The following ZP2 variants were observed in gnomAD, a reference collection of about 807,000 sequenced individuals.
ZP2 encodes the protein zona pellucida glycoprotein 2, also known as zona pellucida sperm-binding protein 2.
Under a neutral mutation model 84.0 loss-of-function variants are expected in ZP2, and 51 were observed. That is an observed-to-expected ratio of 0.61 (90% CI 0.49 to 0.77). The LOEUF is 0.77. Ranked by LOEUF, ZP2 falls within the 30% of genes least tolerant of loss-of-function variation. ZP2 has a pLI of 0.00. For missense variants in ZP2, 909 were observed against 911.9 expected (o/e 1.00, Z 0.04); for synonymous variants, 375 against 330.9 (o/e 1.13, Z -1.45).
At position 21,202,207 on chromosome 16, in the gene ZP2, G is replaced by C. The variant is rs755733475; in HGVS notation, c.1184C>G (p.Thr395Ser). 22 of 1,589,116 alleles carry C rather than the reference G, an allele frequency of 1.4e-5. No individual in the cohort carries two copies. The South Asian group carries it at 2.4e-4, about 18-fold the overall frequency. ...GCAGGATGAGTTTCCCACCCTCAGAGTACCCAGGTCAAGAGCTGGTTGTGT... is the reference window on the plus strand; with the variant it reads ...GCAGGATGAGTTTCCCACCCTCAGACTACCCAGGTCAAGAGCTGGTTGTGT... ...YQTQPALDLG[T>S]LRVGNSSCQP... The change falls in exon 11 of 19, where the codon ACT (threonine) becomes AGT (serine). Residue 395 changes from threonine (T) to serine (S), a missense_variant. Transcript: ENST00000574091.
At position 21,205,714 on chromosome 16, in the gene ZP2, T is replaced by A. The variant is rs778972769; in HGVS notation, c.528+17A>T. 4 of 1,614,024 alleles carry A rather than the reference T, an allele frequency of 2.5e-6. No homozygotes were observed. The highest frequency in any genetic ancestry group is 1.7e-4 in the Middle Eastern group (1 of 6,060). On this transcript the variant is annotated intron_variant, in intron 6 of 18. Coordinates refer to ENST00000574091, the MANE Select transcript of ZP2 (RefSeq NM_001376232.1). ...TTAAAGGTTATTAAGGTCTGATTTT[T>A]AAAATTTGCTTCATACCTTACTGTC...
At chr16:21,213,340 C>T (rs1597593691), upstream of ZP2, among the ~76,000 whole-genome samples, 5 of 152,310 alleles carry the variant, frequency 3.3e-5, no homozygotes, top group South Asian at 8.3e-4. Flanking sequence ...CCACTGTGCC[C>T]GGCCCTTTGC....
chr16:21,199,836 T>G lies in ZP2; in HGVS notation c.1737A>C (p.Pro579=). The G allele has an allele frequency of 6.2e-7, 1 of 1,613,244 alleles. No individual in the cohort carries two copies. The highest frequency in any genetic ancestry group is 8.5e-7 in the Non-Finnish European group (1 of 1,180,020). ...CAGGATGGGTCACAGAGGAGCCGAC[T>G]GGATGGAAGGTGGTCTGGTAGTTGT... The part of the protein sequence containing the change: ...DLDNYQTTFH[P]VGSSVTHPDH... The change falls in exon 15 of 19, where the codon CCA becomes CCC. Residue 579 remains proline (P), a synonymous_variant. Transcript: ENST00000574091.
intron 2 of ZP2, among the ~76,000 whole-genome samples, chr16:21,210,541 TAAAC>T (rs1460486646): frequency 6.6e-6 from 1 of 152,132 alleles, no homozygotes. Context: ...AAATTGATGT[TAAAC>T]AAAGTCCTGG....
intron 2 of ZP2, among the ~76,000 whole-genome samples, chr16:21,210,499 A>G (rs1022691277): frequency 1.1e-4 from 17 of 152,172 alleles, no homozygotes; most frequent in Non-Finnish European, 2.9e-5. Flanking sequence ...CAGGCCCGAA[A>G]AACTGACAAA....
intron 9 of ZP2, 99 bp from the exon 10 acceptor site, chr16:21,203,350 A>C: frequency 1.3e-6 from 2 of 1,512,872 alleles, no homozygotes; most frequent in African/African-American, 1.4e-5. Flanking sequence ...TGCAGGACAC[A>C]CTCCAGACTT....
chr16:21,212,172 G>A (rs557017746), upstream of ZP2, among the ~76,000 whole-genome samples: 9 of 152,080 alleles, frequency 5.9e-5, no homozygotes, highest in East Asian at 1.6e-3. Flanking sequence ...GGTGATCCAC[G>A]TGCCTCGGCC....
intron 5 of ZP2, among the ~76,000 whole-genome samples, chr16:21,206,488 A>T (rs769937797): frequency 6.6e-6 from 1 of 152,110 alleles, no homozygotes; most frequent in Non-Finnish European, 1.5e-5. Flanking sequence ...TTGTTCACTT[A>T]TTGTATCTTA....
chr16:21,197,600 G>A lies in ZP2; in HGVS notation c.2118C>T (p.His706=), dbSNP rs973464968. The A allele has an allele frequency of 6.8e-6, 11 of 1,614,176 alleles. No individual in the cohort carries two copies. Among genetic ancestry groups the A allele is most frequent in the Non-Finnish European group, 8.5e-6 (10 of 1,180,032 alleles). Residue 706 remains histidine, a synonymous_variant, in exon 19 of 19, where the codon CAC becomes CAT. Coordinates refer to ENST00000574091, the MANE Select transcript of ZP2 (RefSeq NM_001376232.1). Reference sequence around the variant, plus strand: ...TGGAACCAACATCTCCAGCAGTCTTGTGCCCTTTGGTGTCCATAGCACCTA... The same window carrying A: ...TGGAACCAACATCTCCAGCAGTCTTATGCCCTTTGGTGTCCATAGCACCTA... The part of the protein sequence containing the change: ...GSRGAMDTKG[H]KTAGDVGSKA...
At chr16:21,198,313 T>G (rs1027933033) in intron 17 of ZP2, among the ~76,000 whole-genome samples, 11 of 152,054 alleles carry the variant, frequency 7.2e-5, no homozygotes, top group African/African-American at 2.7e-4. Context: ...GAGAATCACT[T>G]GAACCTGGGA....
intron 2 of ZP2, 97 bp downstream of exon 2, chr16:21,211,210 G>A (rs757455024): frequency 4.8e-6 from 5 of 1,047,392 alleles, no homozygotes; most frequent in Non-Finnish European, 5.8e-6. Context: ...GTGAATGGAG[G>A]TTGTCTGAGC....
upstream of ZP2, among the ~76,000 whole-genome samples, chr16:21,212,773 G>T (rs2093279833): frequency 1.3e-5 from 2 of 152,172 alleles, no homozygotes; most frequent in Admixed American, 1.3e-4. Flanking sequence ...ATGTTATATT[G>T]TTGTAAAGCA....
In ZP2 at chr16:21,199,768, G is replaced by A; in HGVS notation, c.1805C>T (p.Ser602Leu). ...CAGGCTAGAGAGCACGTGGGCTTCTGATACAAAGGCAAAAGCCTTCATGTC... is the reference window on the plus strand; with the variant it reads ...CAGGCTAGAGAGCACGTGGGCTTCTAATACAAAGGCAAAAGCCTTCATGTC... ...RFDMKAFAFV[S>L]EAHVLSSLVY... Residue 602 changes from serine (S) to leucine (L), a missense_variant, in exon 15 of 19, where the codon TCA (serine) becomes TTA (leucine). Transcript: ENST00000574091. 6.2e-7 allele frequency: 1 copy of A among 1,614,102 alleles called. No homozygotes were observed. Among genetic ancestry groups the A allele is most frequent in the Non-Finnish European group, 8.5e-7 (1 of 1,180,006 alleles).
At chr16:21,211,459 C>T (rs575632349) in intron 1 of ZP2, 27 bp downstream of exon 1, 1 of 1,613,998 alleles carries the variant, frequency 6.2e-7, no homozygotes, top group Non-Finnish European at 8.5e-7. Flanking sequence ...TACCATACCC[C>T]CTCCCTCCAC....
Position 21,199,817 on chromosome 16 carries a change from G to T in ZP2, c.1756C>A (p.His586Asn), listed in dbSNP as rs149277141. The change falls in exon 15 of 19, where the codon CAT becomes AAT. Residue 586 changes from histidine (H) to asparagine (N), a missense_variant. By Grantham distance (68) the His-to-Asn change is moderately conservative. Coordinates refer to ENST00000574091, the MANE Select transcript of ZP2 (RefSeq NM_001376232.1). ...TCAAACCTCTGATAGTGATCAGGATGGGTCACAGAGGAGCCGACTGGATGG... is the reference window on the plus strand; with the variant it reads ...TCAAACCTCTGATAGTGATCAGGATTGGTCACAGAGGAGCCGACTGGATGG... The part of the protein sequence containing the change: ...TFHPVGSSVT[H>N]PDHYQRFDMK... 119 of 1,613,790 alleles carry T rather than the reference G, an allele frequency of 7.4e-5. No individual in the cohort carries two copies. Among genetic ancestry groups the T allele is most frequent in the Middle Eastern group, 3.5e-4 (2 of 5,746 alleles).
At chr16:21,213,377 A>G (rs1032433281), upstream of ZP2, among the ~76,000 whole-genome samples, 1 of 152,196 alleles carries the variant, frequency 6.6e-6, no homozygotes, top group Non-Finnish European at 1.5e-5. Context: ...AAAAACTGCA[A>G]TTATTTTTGC....
chr16:21,205,811 T>G, intron 5 of ZP2, 36 bp from the exon 6 acceptor site: 2 of 1,609,056 alleles, frequency 1.2e-6, no homozygotes, highest in Non-Finnish European at 1.7e-6. Context: ...GACTTTGATT[T>G]GGAGGTAGAT....
At chr16:21,203,992 G>A (rs1395606594) in intron 9 of ZP2, 38 bp downstream of exon 9, 1 of 1,605,206 alleles carries the variant, frequency 6.2e-7, no homozygotes, top group African/African-American at 1.3e-5. Flanking sequence ...CTTCAAGTCA[G>A]GACCCGGTGG....
chr16:21,207,765 G>A (rs2093257015), intron 4 of ZP2, among the ~76,000 whole-genome samples: 1 of 152,094 alleles, frequency 6.6e-6, no homozygotes, highest in Non-Finnish European at 1.5e-5. Flanking sequence ...CATAGGGTAG[G>A]GGATTGCTTG....
Sources: allele counts gnomAD v4.1 joint callset (sites outside exome capture counted in the v4.1 genomes callset), GRCh38; gene constraint gnomAD v4.1.1; transcripts MANE v1.5; gene names NCBI Gene and HGNC (gene_info 2026-07-23, HGNC 2026-07-21).